CNTN5: variants seen among roughly 807,000 people sequenced by gnomAD.
CNTN5 encodes contactin 5.
CNTN5 carries 77 observed loss-of-function variants against 129.1 expected under a neutral mutation model. That is an observed-to-expected ratio of 0.60 (90% CI 0.50 to 0.72). The LOEUF (loss-of-function observed/expected upper bound fraction) is 0.72. Among genes scored for constraint, CNTN5 ranks in the 30% least tolerant of loss-of-function variants. The pLI is 0.00. For missense variants in CNTN5, 1,478 were observed against 1,328.8 expected (o/e 1.11, Z -1.75); for synonymous variants, 509 against 465.6 (o/e 1.09, Z -1.20).
chr11:99,600,156 G>C (rs979689212), intron 3 of CNTN5, among the ~76,000 whole-genome samples: 1 of 152,002 alleles, frequency 6.6e-6, no homozygotes, highest in Non-Finnish European at 1.5e-5. Flanking sequence ...TGGACACCCT[G>C]AGTACCCTGA....
intron 2 of CNTN5, among the ~76,000 whole-genome samples, chr11:99,431,406 C>A (rs969742462): frequency 6.6e-6 from 1 of 152,090 alleles, no homozygotes; most frequent in Admixed American, 6.6e-5. Flanking sequence ...TAGCCATCCA[C>A]CATCCTGGAA....
intron 13 of CNTN5, among the ~76,000 whole-genome samples, chr11:100,178,249 C>T (rs1235763076): frequency 6.6e-6 from 1 of 152,138 alleles, no homozygotes; most frequent in Non-Finnish European, 1.5e-5. Flanking sequence ...AAGCAAAACA[C>T]TATTCTGGTC....
intron 8 of CNTN5, among the ~76,000 whole-genome samples, chr11:99,990,971 T>C (rs1045527564): frequency 1.3e-5 from 2 of 152,126 alleles, no homozygotes; most frequent in Admixed American, 6.5e-5. Flanking sequence ...GAGGAGGGAA[T>C]TGTGTCACTT....
At position 99,873,271 on chromosome 11, in the gene CNTN5, A is replaced by AC. The variant is rs1948549643; in HGVS notation, c.577+28009_577+28010insC. 1.1e-4 allele frequency among the ~76,000 whole-genome samples: 14 copies of AC among 132,268 alleles called. 1 individual carries two copies. The South Asian group carries it at 3.7e-3, about 35-fold the overall frequency. 86.8% of individuals were successfully genotyped at this position (132,268 alleles called of 152,430 possible). ...TTCCTAAAGTTTGATTTTGCACATT[A>AC]AAAAAAAAATACGCCTTTTTAAATG... On this transcript the variant is annotated intron_variant, in intron 6 of 24. Coordinates refer to ENST00000524871, the MANE Select transcript of CNTN5 (RefSeq NM_014361.4).
intron 13 of CNTN5, among the ~76,000 whole-genome samples, chr11:100,151,487 A>C (rs1006179833): frequency 6.6e-5 from 10 of 152,142 alleles, no homozygotes; most frequent in African/African-American, 2.4e-4. Flanking sequence ...TTTGGGCTCA[A>C]AGTGCAAGCC....
At chr11:100,206,505 G>A (rs907998043) in intron 15 of CNTN5, among the ~76,000 whole-genome samples, 1 of 151,930 alleles carries the variant, frequency 6.6e-6, no homozygotes, top group South Asian at 2.1e-4. Flanking sequence ...TTAAATCCAG[G>A]GATAAACTAT....
chr11:100,291,364 T>C lies in CNTN5; in HGVS notation c.2315-6261T>C, dbSNP rs1950964193. Among the ~76,000 whole-genome samples, 2 of 151,094 alleles carry C rather than the reference T, an allele frequency of 1.3e-5. 1 individual carries two copies. The highest frequency in any genetic ancestry group is 4.2e-4 in the South Asian group (2 of 4,752). ...CGAAGACTTGGAACCAACCCAAATG[T>C]CCAACAATGATAGACTGGATTAAGA... is the stretch of plus-strand genomic sequence containing the variant. On this transcript the variant is annotated intron_variant, in intron 18 of 24. Coordinates refer to ENST00000524871, the MANE Select transcript of CNTN5 (RefSeq NM_014361.4).
intron 2 of CNTN5, among the ~76,000 whole-genome samples, chr11:99,346,047 A>T (rs1937838409): frequency 6.6e-6 from 1 of 152,212 alleles, no homozygotes; most frequent in African/African-American, 2.4e-5. Flanking sequence ...TACTTTTTAA[A>T]GCTTGTGTTT....
In CNTN5 at chr11:99,131,220, C is replaced by T. The variant is rs1260242411; in HGVS notation, c.-210+109950C>T. Among the ~76,000 whole-genome samples the T allele has an allele frequency of 6.8e-5, 8 of 117,354 alleles. No individual in the cohort carries two copies. In the Admixed American group the frequency reaches 9.2e-4, roughly 13 times the overall value. The allele number at this position is 117,354 out of a possible 152,430, so 77.0% of individuals were successfully genotyped here. A position where few individuals can be genotyped will look rare whatever the true frequency, so the allele number is the denominator to read the frequency against. On this transcript the variant is annotated intron_variant, in intron 1 of 24. Transcript: ENST00000524871. ...CTGAGATTGCACCACTGCACTCCAGCCTGGGTGACAGAGTGAGACTCCATC... is the reference window on the plus strand; with the variant it reads ...CTGAGATTGCACCACTGCACTCCAGTCTGGGTGACAGAGTGAGACTCCATC...
At chr11:100,017,770 C>T (rs1940908586) in intron 9 of CNTN5, among the ~76,000 whole-genome samples, 1 of 152,004 alleles carries the variant, frequency 6.6e-6, no homozygotes, top group South Asian at 2.1e-4. Context: ...ACCATGCCAT[C>T]TATGGGATTT....
At chr11:99,976,652 A>G (rs1050937416) in intron 8 of CNTN5, among the ~76,000 whole-genome samples, 6 of 152,190 alleles carry the variant, frequency 3.9e-5, no homozygotes, top group Non-Finnish European at 5.9e-5. Context: ...CGTTTTAGCC[A>G]TGGCTGGAGC....
intron 9 of CNTN5, among the ~76,000 whole-genome samples, chr11:100,019,787 C>G (rs1941030190): frequency 1.3e-5 from 2 of 151,932 alleles, no homozygotes; most frequent in Middle Eastern, 3.4e-3. Context: ...AAGGCTATAC[C>G]AATTTACATG....
At chr11:99,937,373 G>T (rs1054905528) in intron 7 of CNTN5, among the ~76,000 whole-genome samples, 1 of 152,182 alleles carries the variant, frequency 6.6e-6, no homozygotes, top group Admixed American at 6.6e-5. Context: ...AACAAGCATC[G>T]AAAATGAGTG....
At chr11:99,590,254 A>T (rs558772814) in intron 3 of CNTN5, among the ~76,000 whole-genome samples, 7 of 152,344 alleles carry the variant, frequency 4.6e-5, no homozygotes, top group African/African-American at 1.4e-4. Context: ...ACCATTGATA[A>T]TAATAAAAAT....
chr11:99,154,774 G>C (rs981824122), intron 1 of CNTN5, among the ~76,000 whole-genome samples: 1 of 152,128 alleles, frequency 6.6e-6, no homozygotes, highest in Non-Finnish European at 1.5e-5. Context: ...GCCAAGGTGG[G>C]GCCTTGGGAG....
chr11:100,296,751 C>A (rs1344411621), intron 18 of CNTN5, among the ~76,000 whole-genome samples: 1 of 151,474 alleles, frequency 6.6e-6, no homozygotes, highest in Non-Finnish European at 1.5e-5. Flanking sequence ...TGTGTGAATA[C>A]CTACCAGTAA....
intron 13 of CNTN5, among the ~76,000 whole-genome samples, chr11:100,084,753 A>G (rs1368785823): frequency 6.6e-6 from 1 of 152,090 alleles, no homozygotes; most frequent in Non-Finnish European, 1.5e-5. Flanking sequence ...GATGATTACT[A>G]TGTTATTAGT....
At chr11:99,477,670 C>T (rs866632880) in intron 2 of CNTN5, among the ~76,000 whole-genome samples, 2 of 151,790 alleles carry the variant, frequency 1.3e-5, no homozygotes, top group Middle Eastern at 3.4e-3. Context: ...AGATCAGGGG[C>T]CGGGTGCAGT....
intron 1 of CNTN5, among the ~76,000 whole-genome samples, chr11:99,210,696 A>G (rs2135667662): frequency 6.6e-6 from 1 of 151,336 alleles, no homozygotes; most frequent in South Asian, 2.1e-4. Flanking sequence ...CCAGTGTATA[A>G]ATTATTATGG....
Sources: gnomAD v4.1 joint callset for allele counts (sites outside exome capture counted in the v4.1 genomes callset) on GRCh38, gnomAD v4.1.1 for gene constraint, MANE v1.5 for transcripts, NCBI Gene and HGNC (gene_info 2026-07-23, HGNC 2026-07-21) for gene names.